The following GAN variants were observed in gnomAD, a reference collection of about 807,000 sequenced individuals.
GAN encodes the protein epididymis secretory sperm binding protein.
GAN carries 48 observed loss-of-function variants against 71.3 expected under a neutral mutation model. The observed-to-expected ratio is 0.67, with a 90% CI of 0.53 to 0.86. The LOEUF is 0.86. GAN is among the 40% of genes least tolerant of loss of function. GAN has a pLI of 0.00. For synonymous variants in GAN, 386 were observed against 276.8 expected, an observed-to-expected ratio of 1.39 and a Z score of -3.92; for missense variants, 928 against 770.1, an observed-to-expected ratio of 1.21 and a Z score of -2.43.
At chr16:81,339,974 A>G (rs1442456612) in intron 1 of GAN, among the ~76,000 whole-genome samples, 1 of 152,192 alleles carries the variant, frequency 6.6e-6, no homozygotes, top group African/African-American at 2.4e-5. Flanking sequence ...TGGGCTTTGG[A>G]AAGGATCACA....
chr16:81,341,079 GA>G lies in GAN; in HGVS notation c.168-10503del, dbSNP rs1434114966. Among the ~76,000 whole-genome samples the G allele has an allele frequency of 2.6e-5, 4 of 151,904 alleles. No individual in the cohort carries two copies. In the East Asian group the frequency reaches 7.8e-4, roughly 30 times the overall value. ...TCAGATTAATGAAATAAAGCAAGAAGACAAGATTAGAGAAAAAAGGAGTGAA... is the reference window on the plus strand; with the variant it reads ...TCAGATTAATGAAATAAAGCAAGAAGCAAGATTAGAGAAAAAAGGAGTGAA... On this transcript the variant is annotated intron_variant, in intron 1 of 10. Transcript: ENST00000648994.
Position 81,315,004 on chromosome 16 carries a change from A to T in GAN, c.-110A>T, listed in dbSNP as rs1908974221. On this transcript the variant is annotated 5_prime_UTR_variant, in exon 1 of 11. Transcript: ENST00000648994. ...CCCGGGGGCTCCAGCTTCTGCTCAGAGCGCGGAGAGCCGGGCCGGGCGGGC... is the reference window on the plus strand; with the variant it reads ...CCCGGGGGCTCCAGCTTCTGCTCAGTGCGCGGAGAGCCGGGCCGGGCGGGC... 1.1e-6 allele frequency: 1 copy of T among 948,064 alleles called. No homozygotes were observed. The highest frequency in any genetic ancestry group is 1.7e-5 in the African/African-American group (1 of 57,630). 58.7% of individuals were successfully genotyped at this position (948,064 alleles called of 1,614,324 possible).
chr16:81,330,955 C>G (rs1010984822), intron 1 of GAN, among the ~76,000 whole-genome samples: 2 of 152,132 alleles, frequency 1.3e-5, no homozygotes, highest in Non-Finnish European at 2.9e-5. Flanking sequence ...GCCTGTAATC[C>G]TGGCAGGTGT....
At chr16:81,359,561 C>G (rs1023768875) in intron 5 of GAN, among the ~76,000 whole-genome samples, 2 of 152,020 alleles carry the variant, frequency 1.3e-5, no homozygotes, top group Non-Finnish European at 2.9e-5. Flanking sequence ...TAGCAAAGTC[C>G]AAAGTTAGTC....
intron 9 of GAN, among the ~76,000 whole-genome samples, chr16:81,375,801 A>G (rs1055747520): frequency 2.6e-5 from 4 of 151,576 alleles, no homozygotes; most frequent in Non-Finnish European, 5.9e-5. Context: ...CCTCATCTCT[A>G]TGGAAAAAAA....
chr16:81,338,548 G>C (rs1447746019), intron 1 of GAN, among the ~76,000 whole-genome samples: 6 of 152,124 alleles, frequency 3.9e-5, no homozygotes, highest in Non-Finnish European at 8.8e-5. Context: ...GAAATCTAAG[G>C]CGAAAATGTT....
At chr16:81,317,661 A>G (rs1388154201) in intron 1 of GAN, among the ~76,000 whole-genome samples, 2 of 152,250 alleles carry the variant, frequency 1.3e-5, no homozygotes, top group East Asian at 1.9e-4. Context: ...TTGAACTAGG[A>G]TTAGACTCCA....
chr16:81,345,944 A>G (rs539148171), intron 1 of GAN, among the ~76,000 whole-genome samples: 10 of 152,320 alleles, frequency 6.6e-5, no homozygotes, highest in Non-Finnish European at 8.8e-5. Context: ...TCACATGCCC[A>G]GTTCACAATA....
chr16:81,326,893 C>G (rs1243575568), intron 1 of GAN, among the ~76,000 whole-genome samples: 3 of 152,146 alleles, frequency 2.0e-5, no homozygotes, highest in Non-Finnish European at 4.4e-5. Context: ...TCGTTACCTG[C>G]TACATGACTG....
At chr16:81,371,205 T>C (rs1029159883) in intron 9 of GAN, among the ~76,000 whole-genome samples, 1 of 152,222 alleles carries the variant, frequency 6.6e-6, no homozygotes, top group Non-Finnish European at 1.5e-5. Flanking sequence ...TTCCTATCTT[T>C]CCATCACAAG....
At chr16:81,321,205 C>A (rs373529350) in intron 1 of GAN, among the ~76,000 whole-genome samples, 1 of 152,126 alleles carries the variant, frequency 6.6e-6, no homozygotes, top group African/African-American at 2.4e-5. Flanking sequence ...TGAAACAAAT[C>A]AACAAAATTC....
At position 81,387,200 on chromosome 16, in the gene GAN, TAA is replaced by T. The variant is rs1904427727; in HGVS notation, c.*9606_*9607del. 6.6e-6 allele frequency: 1 copy of T among 152,236 alleles called. No homozygotes were observed. Among genetic ancestry groups the T allele is most frequent in the South Asian group, 2.1e-4 (1 of 4,834 alleles). The allele number at this position is 152,236 out of a possible 1,614,324, so 9.4% of individuals were successfully genotyped here. On this transcript the variant is annotated 3_prime_UTR_variant, in exon 11 of 11. Transcript: ENST00000648994. Reference sequence around the variant, plus strand: ...CTCTTCATAGTGTAATGGCTAAATGTAAAGTCTTACGTCTCGGTTCAAGAAAG... The same window carrying T: ...CTCTTCATAGTGTAATGGCTAAATGTAGTCTTACGTCTCGGTTCAAGAAAG...
chr16:81,343,193 A>G (rs566693133), intron 1 of GAN, among the ~76,000 whole-genome samples: 2 of 151,408 alleles, frequency 1.3e-5, no homozygotes, highest in South Asian at 4.2e-4. Flanking sequence ...CGAGTTCTAT[A>G]AAGAGGAGCT....
At chr16:81,342,421 A>T (rs1909974603) in intron 1 of GAN, among the ~76,000 whole-genome samples, 1 of 152,240 alleles carries the variant, frequency 6.6e-6, no homozygotes, top group South Asian at 2.1e-4. Flanking sequence ...AACAGAAATC[A>T]CAACAAACTG....
intron 9 of GAN, among the ~76,000 whole-genome samples, chr16:81,370,950 G>C (rs1161283721): frequency 6.6e-6 from 1 of 152,084 alleles, no homozygotes; most frequent in Non-Finnish European, 1.5e-5. Context: ...ACTTTCCACA[G>C]AGCACCACTC....
intron 7 of GAN, among the ~76,000 whole-genome samples, chr16:81,364,522 A>G (rs1315490897): frequency 1.3e-5 from 2 of 152,056 alleles, no homozygotes; most frequent in East Asian, 3.9e-4. Context: ...CATCTCTACA[A>G]AAAAGTTTTA....
chr16:81,324,216 C>G (rs1318492580), intron 1 of GAN, among the ~76,000 whole-genome samples: 1 of 152,194 alleles, frequency 6.6e-6, no homozygotes, highest in Non-Finnish European at 1.5e-5. Context: ...GGCTAAGCCT[C>G]TCTAATATGC....
rs1479511056 is a variant in GAN at position 81,383,913 on chromosome 16, T to TA, written c.*6318dup. 1 of 152,186 alleles carries TA rather than the reference T, an allele frequency of 6.6e-6. No individual in the cohort carries two copies. The highest frequency in any genetic ancestry group is 2.4e-5 in the African/African-American group (1 of 41,430). 9.4% of individuals were successfully genotyped at this position (152,186 alleles called of 1,614,324 possible). A position where few individuals can be genotyped will look rare whatever the true frequency, so the allele number is the denominator to read the frequency against. ...TGGTGAATTATATTTATTAGGATCT[T>TA]ATTTTTAGCATTTCATTACAAGTAA... On this transcript the variant is annotated 3_prime_UTR_variant, in exon 11 of 11. Coordinates refer to ENST00000648994, the MANE Select transcript of GAN (RefSeq NM_022041.4).
intron 9 of GAN, among the ~76,000 whole-genome samples, chr16:81,372,263 G>C (rs1239000392): frequency 6.6e-6 from 1 of 152,126 alleles, no homozygotes; most frequent in Non-Finnish European, 1.5e-5. Flanking sequence ...ATATTGCCTT[G>C]TTCATTGCAA....
Sources: allele counts gnomAD v4.1 joint callset (sites outside exome capture counted in the v4.1 genomes callset), GRCh38; gene constraint gnomAD v4.1.1; transcripts MANE v1.5; gene names NCBI Gene and HGNC (gene_info 2026-07-23, HGNC 2026-07-21).